Variants in TBC1D5 observed in about 807,000 individuals in gnomAD.
TBC1D5 encodes the protein TBC1 domain family, member 5.
TBC1D5 carries 75 observed loss-of-function variants against 100.3 expected under a neutral mutation model. That is an observed-to-expected ratio of 0.75 (90% CI 0.62 to 0.91). TBC1D5 has a LOEUF of 0.91. Among genes scored for constraint, TBC1D5 ranks in the 40% least tolerant of loss-of-function variants. The probability of loss-of-function intolerance (pLI) is 0.00; values close to 1 mark genes in which losing one functional copy is unlikely to be tolerated. For synonymous variants in TBC1D5, 323 were observed against 325.6 expected (o/e 0.99, Z 0.09); for missense variants, 910 against 942.4 (o/e 0.97, Z 0.45).
exon 6 of TBC1D5, chr3:17,404,961 G>A (rs2093732541): frequency 6.4e-7 from 1 of 1,569,230 alleles, no homozygotes; most frequent in African/African-American, 1.4e-5. Flanking sequence ...CAAAGAAATA[G>A]CTGTCAAGAA....
chr3:17,739,121 CCGA>C (rs2077191862), intron 1 of TBC1D5, among the ~76,000 whole-genome samples: 2 of 152,224 alleles, frequency 1.3e-5, no homozygotes, highest in South Asian at 4.1e-4. Flanking sequence ...TCCCACCACC[CCGA>C]CCTCACATTT....
intron 3 of TBC1D5, among the ~76,000 whole-genome samples, chr3:17,503,648 G>A (rs564382859): frequency 6.0e-5 from 9 of 149,684 alleles, no homozygotes; most frequent in East Asian, 3.9e-4. Context: ...TATATACCAC[G>A]TTAGTAAGTT....
At position 17,596,700 on chromosome 3, in the gene TBC1D5, C is replaced by CAAAA. The variant is rs34625799; in HGVS notation, c.-36+27145_-36+27148dup. Among the ~76,000 whole-genome samples the CAAAA allele has an allele frequency of 1.4e-3, 63 of 44,884 alleles. 2 individuals carry two copies. Among genetic ancestry groups the CAAAA allele is most frequent in the African/African-American group, 3.0e-3 (40 of 13,248 alleles). The allele number at this position is 44,884 out of a possible 152,430, so 29.4% of individuals were successfully genotyped here. ...CAGGCAACAATGAGAGACTCCATCT[C>CAAAA]AAAAAAAAAAAAAAAAAAAAAGAAT... On this transcript the variant is annotated intron_variant, in intron 2 of 21. Transcript: ENST00000253692.
intron 13 of TBC1D5, among the ~76,000 whole-genome samples, chr3:17,370,554 T>C (rs1052640502): frequency 3.3e-5 from 5 of 152,194 alleles, no homozygotes; most frequent in Admixed American, 3.3e-4. Flanking sequence ...TTTTCTCATT[T>C]CCAGTGGAAA....
rs1400153248 is a variant in TBC1D5, at chr3:17,343,628, A to G, written c.995+28447T>C. Among the ~76,000 whole-genome samples, 18 of 152,026 alleles carry G rather than the reference A, an allele frequency of 1.2e-4. No homozygotes were observed. In the East Asian group the frequency reaches 3.3e-3, roughly 28 times the overall value. On this transcript the variant is annotated intron_variant, in intron 13 of 21. Coordinates refer to ENST00000253692, the Ensembl canonical transcript of TBC1D5. ...CTTTTTGGTTGGTAAGCTATTGATTATTGCCACAATTTCAGATCCTGTTAC... is the reference window on the plus strand; with the variant it reads ...CTTTTTGGTTGGTAAGCTATTGATTGTTGCCACAATTTCAGATCCTGTTAC...
At chr3:17,161,313 A>T in intron 21 of TBC1D5, 57 bp from the exon 23 acceptor site, 1 of 1,538,318 alleles carries the variant, frequency 6.5e-7, no homozygotes, top group South Asian at 1.2e-5. Context: ...CAAAGAACTG[A>T]GTGGAAGGCC....
chr3:17,289,868 C>A (rs758512597), intron 15 of TBC1D5, among the ~76,000 whole-genome samples: 1 of 152,194 alleles, frequency 6.6e-6, no homozygotes, highest in Non-Finnish European at 1.5e-5. Context: ...CATATTAACA[C>A]ACGTGTCAAG....
intron 15 of TBC1D5, among the ~76,000 whole-genome samples, chr3:17,267,868 C>A (rs2079006334): frequency 6.6e-6 from 1 of 152,104 alleles, no homozygotes; most frequent in Non-Finnish European, 1.5e-5. Context: ...GAAAAAACAT[C>A]TTGGAATTAA....
rs1260295577 is a variant in TBC1D5, at chr3:17,485,676, A to AT, written c.97+22797dup. Among the ~76,000 whole-genome samples the AT allele has an allele frequency of 4.6e-5, 7 of 152,122 alleles. No individual in the cohort carries two copies. The East Asian group carries it at 1.4e-3, about 29-fold the overall frequency. ...TCCCTACAAAGGATATGAACTCATC[A>AT]TTTTTTATGGCTGCATAGTATTCCA... On this transcript the variant is annotated intron_variant, in intron 3 of 21. Transcript: ENST00000253692.
intron 8 of TBC1D5, among the ~76,000 whole-genome samples, chr3:17,396,531 T>C (rs1242899051): frequency 6.6e-6 from 1 of 151,924 alleles, no homozygotes; most frequent in Non-Finnish European, 1.5e-5. Context: ...ATGGACCAAA[T>C]TACTGGGAGT....
intron 13 of TBC1D5, among the ~76,000 whole-genome samples, chr3:17,339,441 G>C (rs1354391190): frequency 6.6e-6 from 1 of 152,132 alleles, no homozygotes. Flanking sequence ...TCTGACTGGG[G>C]ACAAATGTCA....
chr3:17,583,607 G>A lies in TBC1D5; in HGVS notation c.-36+40242C>T, dbSNP rs372088984. Among the ~76,000 whole-genome samples, 377 of 152,208 alleles carry A rather than the reference G, an allele frequency of 2.5e-3. 2 individuals are homozygous for A. Among genetic ancestry groups the A allele is most frequent in the African/African-American group, 8.3e-3 (345 of 41,546 alleles). On this transcript the variant is annotated intron_variant, in intron 2 of 21. Transcript: ENST00000253692. ...CCGGGCATAGTGGCATGCATCTGTA[G>A]TCCCAGCTACTCAGGGGGCTGAGGC...
At chr3:17,437,904 A>C (rs1330723592) in intron 3 of TBC1D5, among the ~76,000 whole-genome samples, 2 of 152,220 alleles carry the variant, frequency 1.3e-5, no homozygotes, top group Non-Finnish European at 2.9e-5. Flanking sequence ...TGAGGAAATT[A>C]TTGGGTATCT....
intron 13 of TBC1D5, among the ~76,000 whole-genome samples, chr3:17,313,077 G>GA (rs1559610682): frequency 2.0e-4 from 30 of 152,246 alleles, no homozygotes; most frequent in African/African-American, 6.5e-4. Context: ...GATGGTAATA[G>GA]TCTAATACAG....
chr3:17,483,185 G>A (rs974524174), intron 3 of TBC1D5, among the ~76,000 whole-genome samples: 40 of 152,048 alleles, frequency 2.6e-4, no homozygotes, highest in African/African-American at 9.7e-4. Context: ...GCTTTACAGA[G>A]AACTTTAATA....
chr3:17,457,047 T>G (rs913768402), intron 3 of TBC1D5, among the ~76,000 whole-genome samples: 8 of 152,154 alleles, frequency 5.3e-5, no homozygotes, highest in African/African-American at 1.9e-4. Flanking sequence ...GGTAGAATCT[T>G]TTGCATTTGT....
intron 4 of TBC1D5, among the ~76,000 whole-genome samples, chr3:17,420,576 T>C (rs2094184790): frequency 6.6e-6 from 1 of 152,234 alleles, no homozygotes; most frequent in African/African-American, 2.4e-5. Flanking sequence ...TGAACCTTAA[T>C]TCTATGCATT....
At chr3:17,187,332 A>G (rs2069258355) in intron 18 of TBC1D5, among the ~76,000 whole-genome samples, 1 of 152,238 alleles carries the variant, frequency 6.6e-6, no homozygotes, top group Non-Finnish European at 1.5e-5. Flanking sequence ...TGCTTTCATT[A>G]GAAGCTAGCT....
intron 19 of TBC1D5, among the ~76,000 whole-genome samples, chr3:17,183,570 A>G (rs758752269): frequency 6.6e-6 from 1 of 152,182 alleles, no homozygotes; most frequent in Non-Finnish European, 1.5e-5. Context: ...TCAATCATCT[A>G]CCAGGGTTTC....
Sources: gnomAD v4.1 joint callset for allele counts (sites outside exome capture counted in the v4.1 genomes callset) on GRCh38, gnomAD v4.1.1 for gene constraint, MANE v1.5 for transcripts, NCBI Gene and HGNC (gene_info 2026-07-23, HGNC 2026-07-21) for gene names.